SLC1A6: variants seen among roughly 807,000 people sequenced by gnomAD.
SLC1A6 encodes the protein excitatory amino acid transporter 4.
In SLC1A6, 15 loss-of-function variants were observed where a neutral mutation model predicts 42.1. The ratio of observed to expected loss-of-function variants is 0.36; its 90% CI spans 0.24 to 0.55. The LOEUF (loss-of-function observed/expected upper bound fraction) is 0.55. Among genes scored for constraint, SLC1A6 ranks in the 20% least tolerant of loss-of-function variants. The pLI is 0.88. For missense variants in SLC1A6, 542 were observed against 772.5 expected (o/e 0.70, Z 3.54); for synonymous variants, 317 against 319.7 (o/e 0.99, Z 0.09).
At chr19:14,977,913 TATCA>T (rs2045729141) in intron 1 of SLC1A6, 1 of 152,238 alleles carries the variant, frequency 6.6e-6, no homozygotes, top group African/African-American at 2.4e-5. Flanking sequence ...AATGTCTTAC[TATCA>T]ATTTTTCTCA....
At chr19:14,973,231 G>A (rs1279068930) in intron 1 of SLC1A6, 4 of 315,260 alleles carry the variant, frequency 1.3e-5, no homozygotes, top group Middle Eastern at 9.0e-4. Flanking sequence ...TTCCCAGCCT[G>A]AGCAAGATAG....
chr19:14,964,143 C>T (rs1015812620), intron 5 of SLC1A6, 176 bp downstream of exon 5: 2 of 631,332 alleles, frequency 3.2e-6, no homozygotes, highest in African/African-American at 1.8e-5. Context: ...GTGCTTCTCC[C>T]TAACCCCCCC....
chr19:14,957,007 G>GCT (rs1203068803), intron 6 of SLC1A6, among the ~76,000 whole-genome samples: 1 of 152,060 alleles, frequency 6.6e-6, no homozygotes, highest in Admixed American at 6.6e-5. Flanking sequence ...CCCCATTCAA[G>GCT]CTCTCTCAAT....
chr19:14,995,001 G>A (rs1055221225), intron 1 of SLC1A6, among the ~76,000 whole-genome samples: 6 of 152,084 alleles, frequency 3.9e-5, no homozygotes, highest in Non-Finnish European at 7.4e-5. Flanking sequence ...ACTCATATGT[G>A]GAATCCTAAA....
At chr19:14,999,346 G>A (rs987488990) in intron 1 of SLC1A6, among the ~76,000 whole-genome samples, 3 of 152,116 alleles carry the variant, frequency 2.0e-5, no homozygotes, top group Admixed American at 2.0e-4. Flanking sequence ...GAAAATCTTT[G>A]AATCCACCTA....
chr19:14,998,865 T>TTTA (rs1431795587), intron 1 of SLC1A6, among the ~76,000 whole-genome samples: 1 of 118,980 alleles, frequency 8.4e-6, no homozygotes, highest in Non-Finnish European at 1.9e-5. Context: ...CATTTATTTA[T>TTTA]TTATTTATTT....
At position 14,954,633 on chromosome 19, in the gene SLC1A6, G is replaced by A. The variant is rs140364304; in HGVS notation, c.1170-304C>T. ...TCAGAGCAGGGCATGGGCTGGGCGTGGCCTGGGCAGAAATGAGCCCAAGGA... is the reference window on the plus strand; with the variant it reads ...TCAGAGCAGGGCATGGGCTGGGCGTAGCCTGGGCAGAAATGAGCCCAAGGA... On this transcript the variant is annotated intron_variant, in intron 7 of 9. Transcript: ENST00000594383. Among the ~76,000 whole-genome samples, 515 of 152,274 alleles carry A rather than the reference G, an allele frequency of 3.4e-3. 3 individuals carry two copies. Among genetic ancestry groups the A allele is most frequent in the Middle Eastern group, 6.8e-3 (2 of 294 alleles).
chr19:15,003,128 G>A (rs1313535806), intron 1 of SLC1A6, among the ~76,000 whole-genome samples: 1 of 152,096 alleles, frequency 6.6e-6, no homozygotes, highest in Non-Finnish European at 1.5e-5. Flanking sequence ...ACAGGCATGT[G>A]CCACCACGCC....
At position 14,968,383 on chromosome 19, in the gene SLC1A6, C is replaced by G; in HGVS notation, c.468G>C (p.Gly156=). Residue 156 remains glycine (G), a synonymous_variant, in exon 4 of 10, where the codon GGG becomes GGC. Transcript: ENST00000594383. ...GGTGCAGCCCCTCCTTGGAGCCCTTCCCGGGATGGATGATGGTGACCATGA... is the reference window on the plus strand; with the variant it reads ...GGTGCAGCCCCTCCTTGGAGCCCTTGCCGGGATGGATGATGGTGACCATGA... The part of the protein sequence containing the change: ...GILMVTIIHP[G]KGSKEGLHRE... 1 of 1,613,832 alleles carries G rather than the reference C, an allele frequency of 6.2e-7. No individual in the cohort carries two copies. The highest frequency in any genetic ancestry group is 2.2e-5 in the East Asian group (1 of 44,880).
upstream of SLC1A6, chr19:14,979,940 C>G (rs1308330440): frequency 1.3e-5 from 2 of 152,326 alleles, no homozygotes; most frequent in African/African-American, 2.4e-5. The surrounding 1 kb of genome is among the most constrained non-coding windows in gnomAD (Gnocchi z 4.2). Flanking sequence ...TCCGCGCCCC[C>G]GCCCCCTAAA....
At chr19:14,969,876 A>G (rs1217841536) in intron 3 of SLC1A6, among the ~76,000 whole-genome samples, 1 of 152,196 alleles carries the variant, frequency 6.6e-6, no homozygotes, top group Non-Finnish European at 1.5e-5. Flanking sequence ...AGAATCGAGT[A>G]CAATTGACCC....
intron 1 of SLC1A6, among the ~76,000 whole-genome samples, chr19:15,002,350 A>G (rs1443048400): frequency 6.6e-6 from 1 of 151,908 alleles, no homozygotes; most frequent in Non-Finnish European, 1.5e-5. Flanking sequence ...TGCCCAGGCT[A>G]GCCTCAAACT....
intron 1 of SLC1A6, chr19:14,974,221 G>C (rs373673490): frequency 6.6e-6 from 1 of 152,174 alleles, no homozygotes; most frequent in East Asian, 1.9e-4. Context: ...CCCAGGCGTG[G>C]TGGCAGGTGC....
intron 1 of SLC1A6, among the ~76,000 whole-genome samples, chr19:15,006,324 A>G (rs2045895450): frequency 6.6e-6 from 1 of 152,186 alleles, no homozygotes; most frequent in African/African-American, 2.4e-5. Context: ...GTTCATCTGG[A>G]TCCAGAATAC....
chr19:14,986,210 C>T (rs1029413247), intron 1 of SLC1A6, among the ~76,000 whole-genome samples: 7 of 151,320 alleles, frequency 4.6e-5, no homozygotes, highest in Non-Finnish European at 1.0e-4. Context: ...AAGACATATA[C>T]TCAAGAGTCA....
upstream of SLC1A6, among the ~76,000 whole-genome samples, chr19:14,982,528 CAA>C (rs1230961431): frequency 6.6e-6 from 1 of 151,736 alleles, no homozygotes; most frequent in African/African-American, 2.4e-5. Flanking sequence ...GACTCTGTTT[CAA>C]AAAAAGTTAT....
rs570734097 is a variant in SLC1A6 at position 15,004,020 on chromosome 19, G to T, written c.6+6465C>A. ...AAATACAAAAAATTAGCTGGGCGTG[G>T]TGGTGGGCCCCTGTAGTCCCAGCTA... On this transcript the variant is annotated intron_variant, in intron 1 of 8. Coordinates refer to the SLC1A6 transcript ENST00000430939. 2.6e-5 allele frequency among the ~76,000 whole-genome samples: 4 copies of T among 152,092 alleles called. No homozygotes were observed. The South Asian group carries it at 6.2e-4, about 24-fold the overall frequency.
chr19:14,970,404 A>G (rs926300993), intron 3 of SLC1A6, among the ~76,000 whole-genome samples: 1 of 152,092 alleles, frequency 6.6e-6, no homozygotes, highest in African/African-American at 2.4e-5. Flanking sequence ...TCTCTAGCTT[A>G]CTGTACTTTA....
At chr19:15,007,013 A>G (rs2045898950) in intron 1 of SLC1A6, among the ~76,000 whole-genome samples, 1 of 152,128 alleles carries the variant, frequency 6.6e-6, no homozygotes, top group African/African-American at 2.4e-5. Context: ...GTATTCCTCT[A>G]ATAAGTACGT....
Sources: allele counts gnomAD v4.1 joint callset (sites outside exome capture counted in the v4.1 genomes callset), GRCh38; gene constraint gnomAD v4.1.1; non-coding constraint Gnocchi (gnomAD v3.1); transcripts MANE v1.5; gene names NCBI Gene and HGNC (gene_info 2026-07-23, HGNC 2026-07-21).